PPM1E: variants seen among roughly 807,000 people sequenced by gnomAD.
The protein encoded by PPM1E is protein phosphatase, Mg2+/Mn2+ dependent 1E.
In PPM1E, 20 loss-of-function variants were observed where a neutral mutation model predicts 65.9. The ratio of observed to expected loss-of-function variants is 0.30; its 90% CI spans 0.21 to 0.44. PPM1E has a LOEUF of 0.44. PPM1E is among the 20% of genes least tolerant of loss of function. PPM1E has a pLI of 1.00. For synonymous variants in PPM1E, 352 were observed against 374.9 expected, an observed-to-expected ratio of 0.94 and a Z score of 0.70; for missense variants, 713 against 953.1, an observed-to-expected ratio of 0.75 and a Z score of 3.32.
rs1447153152 is a variant in PPM1E, at chr17:58,910,033, G to A, written c.465-45616G>A. The stretch of plus-strand genomic sequence containing the variant: ...TTCTCCTGCCTCAGCCTCCCAACTA[G>A]CTGGGATTATAGGTGCCCGCCACCA... On this transcript the variant is annotated intron_variant, in intron 1 of 6. Coordinates refer to ENST00000308249, the MANE Select transcript of PPM1E (RefSeq NM_014906.5). Among the ~76,000 whole-genome samples the A allele has an allele frequency of 2.6e-4, 38 of 144,494 alleles. 1 individual carries two copies. In the Admixed American group the frequency reaches 2.7e-3, roughly 10 times the overall value. 94.8% of individuals were successfully genotyped at this position (144,494 alleles called of 152,430 possible).
At position 58,756,052 on chromosome 17, in the gene PPM1E, C is replaced by G. The variant is rs1345786915; in HGVS notation, c.55C>G (p.Leu19Val). The change falls in exon 1 of 7, where the codon CTG becomes GTG. Residue 19 changes from leucine to valine, a missense_variant. Coordinates refer to ENST00000308249, the MANE Select transcript of PPM1E (RefSeq NM_014906.5). ...TTACCGGCGCTTCCTGGAGCTATTC[C>G]TGGGCGAGTTTCGCGGACCGTGCGG... Reference protein sequence around the residue: ...KTYRRFLELFLGEFRGPCGGG... With the variant: ...KTYRRFLELFVGEFRGPCGGG... The G allele has an allele frequency of 3.1e-6, 5 of 1,613,908 alleles. No individual in the cohort carries two copies. The African/African-American group carries it at 6.7e-5, about 22-fold the overall frequency.
intron 1 of PPM1E, among the ~76,000 whole-genome samples, chr17:58,840,331 A>C (rs982324467): frequency 5.3e-5 from 8 of 152,154 alleles, no homozygotes; most frequent in African/African-American, 1.9e-4. Context: ...CAAAACCTCC[A>C]CCATTAATTA....
Position 58,980,300 on chromosome 17 carries a change from G to C in PPM1E, c.1537G>C (p.Glu513Gln). Reference protein sequence around the residue: ...WTENSFQGGQEDGGDDKENHG... With the variant: ...WTENSFQGGQQDGGDDKENHG... ...AGAGAACTCTTTTCAAGGAGGGCAAGAAGATGGTGGGGATGATAAGGAGAA... is the reference window on the plus strand; with the variant it reads ...AGAGAACTCTTTTCAAGGAGGGCAACAAGATGGTGGGGATGATAAGGAGAA... The change falls in exon 7 of 7, where the codon GAA (glutamate) becomes CAA (glutamine). Residue 513 changes from glutamate (E) to glutamine (Q), a missense_variant. Transcript: ENST00000308249. The surrounding 1 kb of genome is among the most constrained non-coding windows in gnomAD (Gnocchi z 4.7). 6.2e-7 allele frequency: 1 copy of C among 1,614,170 alleles called. No homozygotes were observed. The highest frequency in any genetic ancestry group is 8.5e-7 in the Non-Finnish European group (1 of 1,180,042).
At chr17:58,883,893 G>A (rs1170670127) in intron 1 of PPM1E, among the ~76,000 whole-genome samples, 1 of 151,994 alleles carries the variant, frequency 6.6e-6, no homozygotes, top group Non-Finnish European at 1.5e-5. Context: ...GACCTGGTTG[G>A]AAGACATTTG....
intron 1 of PPM1E, among the ~76,000 whole-genome samples, chr17:58,780,453 T>G (rs925411193): frequency 6.6e-5 from 10 of 152,234 alleles, no homozygotes. Context: ...ATACTTTCAA[T>G]TTTAATTTTT....
intron 1 of PPM1E, among the ~76,000 whole-genome samples, chr17:58,932,518 A>G (rs1191442438): frequency 6.6e-6 from 1 of 152,174 alleles, no homozygotes; most frequent in Non-Finnish European, 1.5e-5. Flanking sequence ...AAAATCTAAG[A>G]ACTAATTTAT....
At chr17:58,799,882 A>G (rs946463257) in intron 1 of PPM1E, among the ~76,000 whole-genome samples, 2 of 152,216 alleles carry the variant, frequency 1.3e-5, no homozygotes, top group Admixed American at 1.3e-4. Context: ...GCCTGGCCTC[A>G]CATTAAGTCT....
At chr17:58,876,651 AAT>A (rs1317405400) in intron 1 of PPM1E, among the ~76,000 whole-genome samples, 3 of 152,242 alleles carry the variant, frequency 2.0e-5, no homozygotes, top group African/African-American at 7.2e-5. Context: ...ACTGATAGTA[AAT>A]CAGAAGACTG....
chr17:58,925,426 G>GT (rs1373607148), intron 1 of PPM1E, among the ~76,000 whole-genome samples: 2 of 151,760 alleles, frequency 1.3e-5, no homozygotes, highest in Admixed American at 1.3e-4. Flanking sequence ...TGAAGGGGCT[G>GT]TTTTTTTATT....
At chr17:58,762,868 AGCCTGGGC>A (rs1320873946) in intron 1 of PPM1E, among the ~76,000 whole-genome samples, 1 of 150,242 alleles carries the variant, frequency 6.7e-6, no homozygotes, top group Non-Finnish European at 1.5e-5. Context: ...ACTGCACTCC[AGCCTGGGC>A]GACAGAGCGA....
intron 1 of PPM1E, among the ~76,000 whole-genome samples, chr17:58,847,952 A>G (rs1343447675): frequency 6.6e-6 from 1 of 152,138 alleles, no homozygotes; most frequent in Non-Finnish European, 1.5e-5. Flanking sequence ...TTCATTGAGC[A>G]GTGGTTTGTA....
At chr17:58,788,360 G>T (rs1372718246) in intron 1 of PPM1E, among the ~76,000 whole-genome samples, 2 of 152,122 alleles carry the variant, frequency 1.3e-5, no homozygotes, top group Non-Finnish European at 2.9e-5. Flanking sequence ...TTCATCCAAA[G>T]AGTTAGAGTG....
chr17:58,960,218 G>A (rs950783940), intron 2 of PPM1E, among the ~76,000 whole-genome samples: 1 of 152,140 alleles, frequency 6.6e-6, no homozygotes, highest in Non-Finnish European at 1.5e-5. Flanking sequence ...AGTATGACTT[G>A]CTAGGAACCC....
At chr17:58,963,038 G>A (rs1160315797) in intron 2 of PPM1E, among the ~76,000 whole-genome samples, 1 of 151,908 alleles carries the variant, frequency 6.6e-6, no homozygotes, top group East Asian at 1.9e-4. Context: ...GCAGTGAGTT[G>A]TGATTACATC....
At chr17:58,786,031 T>G (rs2144228717) in intron 1 of PPM1E, among the ~76,000 whole-genome samples, 1 of 151,516 alleles carries the variant, frequency 6.6e-6, no homozygotes, top group Admixed American at 6.6e-5. Context: ...TTTTTTTTTT[T>G]TGAGACAGAG....
At chr17:58,852,479 A>G (rs11656666) in intron 1 of PPM1E, among the ~76,000 whole-genome samples, 37,712 of 151,950 alleles carry the variant, frequency 0.25, 5,443 homozygotes, top group Middle Eastern at 0.42. Context: ...TTTTTCTGAT[A>G]GTAGCCATCC....
chr17:58,921,946 AG>A (rs1354582829), intron 1 of PPM1E, among the ~76,000 whole-genome samples: 1 of 151,760 alleles, frequency 6.6e-6, no homozygotes, highest in East Asian at 1.9e-4. Context: ...AGGCTGAGGC[AG>A]GAGAATTGCT....
intron 1 of PPM1E, among the ~76,000 whole-genome samples, chr17:58,907,962 G>A (rs1166118758): frequency 1.3e-5 from 2 of 151,514 alleles, no homozygotes; most frequent in Admixed American, 6.6e-5. Context: ...TGTGCATTTA[G>A]ACTATTAATG....
At chr17:58,961,562 G>A (rs1024637325) in intron 2 of PPM1E, among the ~76,000 whole-genome samples, 1 of 152,156 alleles carries the variant, frequency 6.6e-6, no homozygotes, top group African/African-American at 2.4e-5. Flanking sequence ...GGGAACACAG[G>A]GGAAGGAGCA....
Sources: allele counts gnomAD v4.1 joint callset (sites outside exome capture counted in the v4.1 genomes callset), GRCh38; gene constraint gnomAD v4.1.1; non-coding constraint Gnocchi (gnomAD v3.1); transcripts MANE v1.5; gene names NCBI Gene and HGNC (gene_info 2026-07-23, HGNC 2026-07-21).